The following SLC33A1 variants were observed in gnomAD, a reference collection of about 807,000 sequenced individuals.
SLC33A1 encodes acetyl-coenzyme A transporter 1.
A neutral mutation model predicts 50.0 loss-of-function variants in SLC33A1; 20 were observed. That is an observed-to-expected ratio of 0.40 (90% CI 0.28 to 0.58). SLC33A1 has a LOEUF of 0.58. SLC33A1 is among the 20% of genes least tolerant of loss of function. SLC33A1 has a pLI of 0.44. For synonymous variants in SLC33A1, 265 were observed against 251.8 expected (o/e 1.05, Z -0.50); for missense variants, 476 against 657.0 (o/e 0.72, Z 3.01).
chr3:155,830,101 T>C (rs376013763), intron 4 of SLC33A1, among the ~76,000 whole-genome samples, 198 bp from the exon 5 acceptor site: 54 of 151,926 alleles, frequency 3.6e-4, no homozygotes, highest in Admixed American at 5.9e-4. Context: ...CGGTGGCTCA[T>C]GCCTGTAATT....
intron 2 of SLC33A1, among the ~76,000 whole-genome samples, chr3:155,836,280 C>CAAAAAAAAAAAA (rs57460942): frequency 7.4e-5 from 2 of 27,168 alleles, no homozygotes; most frequent in African/African-American, 1.4e-4. Flanking sequence ...GAGACTCTGT[C>CAAAAAAAAAAAA]AAAAAAAAAA....
intron 1 of SLC33A1, among the ~76,000 whole-genome samples, chr3:155,847,751 AAAATAAAT>A (rs10652179): frequency 4.7e-4 from 70 of 149,196 alleles, no homozygotes; most frequent in South Asian, 1.3e-3. Context: ...TCCGTCTCAA[AAAATAAAT>A]AAATAAATAA....
rs142594898 is a variant in SLC33A1, at chr3:155,825,110, T to A, written c.*3100A>T. 2.6e-5 allele frequency: 4 copies of A among 152,028 alleles called. No individual in the cohort carries two copies. The highest frequency in any genetic ancestry group is 5.9e-5 in the Non-Finnish European group (4 of 68,008). The allele number at this position is 152,028 out of a possible 1,614,324, so 9.4% of individuals were successfully genotyped here. A position where few individuals can be genotyped will look rare whatever the true frequency, so the allele number is the denominator to read the frequency against. ...TTTTTATTAGCTGGGCATAGTGCTG[T>A]GTGCCTGTAGTCCTAGCTACCAGAG... On this transcript the variant is annotated 3_prime_UTR_variant, in exon 6 of 6. Coordinates refer to ENST00000643144, the MANE Select transcript of SLC33A1 (RefSeq NM_004733.4).
intron 1 of SLC33A1, among the ~76,000 whole-genome samples, chr3:155,850,621 C>T (rs1560023385): frequency 6.9e-6 from 1 of 144,136 alleles, no homozygotes; most frequent in African/African-American, 2.5e-5. Context: ...CTGACTTATT[C>T]TTTTTTTTTT....
In SLC33A1 at chr3:155,821,454, T is replaced by G. The variant is rs1752086769; in HGVS notation, c.*6756A>C. Reference sequence around the variant, plus strand: ...AATTTGACAGTGGTAATTTATCAATTTACCAAATATGCCACTTCCTTTTTT... The same window carrying G: ...AATTTGACAGTGGTAATTTATCAATGTACCAAATATGCCACTTCCTTTTTT... On this transcript the variant is annotated 3_prime_UTR_variant, in exon 6 of 6. Coordinates refer to ENST00000643144, the MANE Select transcript of SLC33A1 (RefSeq NM_004733.4). The G allele has an allele frequency of 6.6e-6, 1 of 152,212 alleles. No individual in the cohort carries two copies. The highest frequency in any genetic ancestry group is 2.4e-5 in the African/African-American group (1 of 41,458). The allele number at this position is 152,212 out of a possible 1,614,324, so 9.4% of individuals were successfully genotyped here. A position where few individuals can be genotyped will look rare whatever the true frequency, so the allele number is the denominator to read the frequency against.
Position 155,854,076 on chromosome 3 carries a change from T to C in SLC33A1, c.-79A>G. On this transcript the variant is annotated 5_prime_UTR_variant, in exon 1 of 6. Transcript: ENST00000643144. ...ATCCGTCCAGTCCCAGGTCCAAGGC[T>C]GTCGCGCTGGACCAGGGTTTCGGTG... 8.2e-7 allele frequency: 1 copy of C among 1,224,134 alleles called. No homozygotes were observed. The highest frequency in any genetic ancestry group is 2.8e-5 in the Admixed American group (1 of 35,438). 75.8% of individuals were successfully genotyped at this position (1,224,134 alleles called of 1,614,324 possible). A position where few individuals can be genotyped will look rare whatever the true frequency, so the allele number is the denominator to read the frequency against.
At chr3:155,851,042 GA>G (rs971377943) in intron 1 of SLC33A1, among the ~76,000 whole-genome samples, 17 of 152,056 alleles carry the variant, frequency 1.1e-4, no homozygotes, top group African/African-American at 4.1e-4. Flanking sequence ...AGGAGATCGA[GA>G]CCATCCTGGC....
rs1321966602 is a variant in SLC33A1 at position 155,823,687 on chromosome 3, T to G, written c.*4523A>C. ...ATAAAATAAAGTAAAAAGAACATGG[T>G]CTGCAGTAGGTGTTTTTGTTTTGTT... On this transcript the variant is annotated 3_prime_UTR_variant, in exon 6 of 6. Transcript: ENST00000643144. 1 of 151,952 alleles carries G rather than the reference T, an allele frequency of 6.6e-6. No individual in the cohort carries two copies. The highest frequency in any genetic ancestry group is 1.5e-5 in the Non-Finnish European group (1 of 68,040). The allele number at this position is 151,952 out of a possible 1,614,324, so 9.4% of individuals were successfully genotyped here. A position where few individuals can be genotyped will look rare whatever the true frequency, so the allele number is the denominator to read the frequency against.
intron 2 of SLC33A1, among the ~76,000 whole-genome samples, chr3:155,837,355 CA>C (rs370005455): frequency 0.049 from 3,373 of 69,334 alleles, 55 homozygotes; most frequent in African/African-American, 0.14. Flanking sequence ...GACTCCGTCT[CA>C]AAAAAAAAAA....
chr3:155,853,694 T>G lies in SLC33A1; in HGVS notation c.304A>C (p.Lys102Gln), dbSNP rs1560025229. 1.9e-6 allele frequency: 3 copies of G among 1,614,062 alleles called. No homozygotes were observed. The highest frequency in any genetic ancestry group is 2.7e-5 in the African/African-American group (2 of 74,938). Residue 102 changes from lysine (K) to glutamine (Q), a missense_variant, in exon 1 of 6, where the codon AAA (lysine) becomes CAA (glutamine). Lys to Gln is a moderately conservative substitution (Grantham distance 53). Coordinates refer to ENST00000643144, the MANE Select transcript of SLC33A1 (RefSeq NM_004733.4). ...GCTTGGTCTGTATAGCTAACATTTT[T>G]GCTTTGCAAAATGAGTGGGATGCTT... Reference protein sequence around the residue: ...AGSIPLILQSKNVSYTDQAFF... With the variant: ...AGSIPLILQSQNVSYTDQAFF...
At chr3:155,843,996 T>C (rs1753027827) in intron 1 of SLC33A1, among the ~76,000 whole-genome samples, 2 of 152,168 alleles carry the variant, frequency 1.3e-5, no homozygotes, top group African/African-American at 4.8e-5. Flanking sequence ...CTTTTTATTT[T>C]ATGGTGTATG....
chr3:155,827,364 G>A lies in SLC33A1; in HGVS notation c.*846C>T, dbSNP rs535021848. 1.3e-5 allele frequency: 2 copies of A among 152,004 alleles called. No individual in the cohort carries two copies. Among genetic ancestry groups the A allele is most frequent in the South Asian group, 4.2e-4 (2 of 4,816 alleles). 9.4% of individuals were successfully genotyped at this position (152,004 alleles called of 1,614,324 possible). A position where few individuals can be genotyped will look rare whatever the true frequency, so the allele number is the denominator to read the frequency against. ...AACATTTAATTTTTATTTTCAAAAT[G>A]TTGCCATAAACATACATACAACACT... is the stretch of plus-strand genomic sequence containing the variant. On this transcript the variant is annotated 3_prime_UTR_variant, in exon 6 of 6. Transcript: ENST00000643144.
At position 155,850,047 on chromosome 3, in the gene SLC33A1, C is replaced by T. The variant is rs1004415128; in HGVS notation, c.775+3176G>A. Among the ~76,000 whole-genome samples the T allele has an allele frequency of 6.3e-4, 95 of 151,250 alleles. 6 individuals carry two copies. Among genetic ancestry groups the T allele is most frequent in the Non-Finnish European group, 2.9e-5 (2 of 67,856 alleles). The stretch of plus-strand genomic sequence containing the variant: ...TTTTTGAGATGGAGTCTTTCTCTGT[C>T]GCCCAGGCTGGAGTGCAGTGGCGCG... On this transcript the variant is annotated intron_variant, in intron 1 of 5. Coordinates refer to ENST00000643144, the MANE Select transcript of SLC33A1 (RefSeq NM_004733.4).
Position 155,829,736 on chromosome 3 carries a change from C to T in SLC33A1, c.1434G>A (p.Glu478=), listed in dbSNP as rs768998921. 2.6e-5 allele frequency: 42 copies of T among 1,614,022 alleles called. No homozygotes were observed. Among genetic ancestry groups the T allele is most frequent in the Non-Finnish European group, 3.5e-5 (41 of 1,180,010 alleles). ...AATTCTGGTTTGATGCTCCTACACA[C>T]TCTTTTACTGTGAGGGGATCTACAA... ...LWLVDPLTVK[E]CVGASNQNCR... Residue 478 remains glutamate (E), a synonymous_variant, in exon 5 of 6, where the codon GAG becomes GAA. Coordinates refer to ENST00000643144, the MANE Select transcript of SLC33A1 (RefSeq NM_004733.4).
intron 2 of SLC33A1, among the ~76,000 whole-genome samples, chr3:155,835,332 G>A (rs940764948): frequency 2.0e-5 from 3 of 152,118 alleles, no homozygotes; most frequent in Admixed American, 6.6e-5. Flanking sequence ...AAGTTATATC[G>A]ATACAGTAGG....
intron 1 of SLC33A1, among the ~76,000 whole-genome samples, chr3:155,850,926 TATTTTA>T (rs919353353): frequency 6.6e-6 from 1 of 151,572 alleles, no homozygotes; most frequent in African/African-American, 2.4e-5. Flanking sequence ...TTGACTTCTT[TATTTTA>T]ATTTTATTTT....
chr3:155,833,770 A>G (rs1225021994), intron 3 of SLC33A1, 87 bp downstream of exon 3: 1 of 1,123,002 alleles, frequency 8.9e-7, no homozygotes, highest in Non-Finnish European at 1.4e-6. Context: ...TTCCATATAT[A>G]TAATTCTACG....
rs1184460243 is a variant in SLC33A1 at position 155,826,255 on chromosome 3, TG to T, written c.*1954del. 1 of 151,930 alleles carries T rather than the reference TG, an allele frequency of 6.6e-6. No homozygotes were observed. Among genetic ancestry groups the T allele is most frequent in the Non-Finnish European group, 1.5e-5 (1 of 68,016 alleles). The allele number at this position is 151,930 out of a possible 1,614,324, so 9.4% of individuals were successfully genotyped here. A position where few individuals can be genotyped will look rare whatever the true frequency, so the allele number is the denominator to read the frequency against. ...TACAAAAATTAGCCGGGTGTGGTGG[TG>T]TGCGCCTGTAGTCCCAGCTACTCAG... is the stretch of plus-strand genomic sequence containing the variant. On this transcript the variant is annotated 3_prime_UTR_variant, in exon 6 of 6. Transcript: ENST00000643144.
intron 4 of SLC33A1, among the ~76,000 whole-genome samples, chr3:155,831,711 T>G (rs1024570252): frequency 1.3e-5 from 2 of 152,098 alleles, no homozygotes; most frequent in South Asian, 4.1e-4. Flanking sequence ...ATTGACTAGT[T>G]AAAGTATTTC....
Sources: allele counts gnomAD v4.1 joint callset (sites outside exome capture counted in the v4.1 genomes callset), GRCh38; gene constraint gnomAD v4.1.1; transcripts MANE v1.5; gene names NCBI Gene and HGNC (gene_info 2026-07-23, HGNC 2026-07-21).